The following EYS variants were observed in gnomAD, a reference collection of about 807,000 sequenced individuals.
EYS encodes protein eyes shut homolog.
Under a neutral mutation model 282.1 loss-of-function variants are expected in EYS, and 250 were observed. That is an observed-to-expected ratio of 0.89 (90% CI 0.80 to 0.98). EYS has a LOEUF of 0.98. Among genes scored for constraint, EYS ranks in the 50% least tolerant of loss-of-function variants. The probability of loss-of-function intolerance (pLI) is 0.00; values close to 1 mark genes in which losing one functional copy is unlikely to be tolerated. For synonymous variants in EYS, 1,355 were observed against 1,282.9 expected, an observed-to-expected ratio of 1.06 and a Z score of -1.20; for missense variants, 4,016 against 3,709.0, an observed-to-expected ratio of 1.08 and a Z score of -2.15.
At chr6:65,465,312 C>A (rs1362296312) in intron 5 of EYS, among the ~76,000 whole-genome samples, 2 of 151,550 alleles carry the variant, frequency 1.3e-5, no homozygotes, top group Non-Finnish European at 2.9e-5. Flanking sequence ...ACCTCATCTC[C>A]CCCCATTTTT....
chr6:64,024,066 C>T (rs1223976124), intron 33 of EYS, among the ~76,000 whole-genome samples: 2 of 152,208 alleles, frequency 1.3e-5, no homozygotes, highest in Admixed American at 6.5e-5. Flanking sequence ...ATGAGTGCCA[C>T]CCCCTGCTCC....
At chr6:65,071,673 A>G (rs971723079) in intron 12 of EYS, among the ~76,000 whole-genome samples, 1 of 151,888 alleles carries the variant, frequency 6.6e-6, no homozygotes, top group East Asian at 1.9e-4. Context: ...AAGGGAAATA[A>G]TATGGCATCG....
chr6:65,680,866 G>A (rs1582596283), intron 1 of EYS, among the ~76,000 whole-genome samples: 1 of 151,828 alleles, frequency 6.6e-6, no homozygotes, highest in African/African-American at 2.4e-5. Context: ...TAGCAACTGA[G>A]CTACATCTAA....
At chr6:63,835,271 A>G (rs553933731) in intron 36 of EYS, among the ~76,000 whole-genome samples, 1 of 147,418 alleles carries the variant, frequency 6.8e-6, no homozygotes, top group Admixed American at 6.7e-5. Flanking sequence ...ATATATATAT[A>G]CATATATACT....
rs1562186503 is a variant in EYS, at chr6:65,443,386, A to ATATG, written c.863-38023_863-38020dup. On this transcript the variant is annotated intron_variant, in intron 5 of 42. Coordinates refer to ENST00000503581, the MANE Select transcript of EYS (RefSeq NM_001142800.2). The stretch of plus-strand genomic sequence containing the variant: ...TACATGTATGTACACATATAGACAT[A>ATATG]TATGCATACATGTATGTACACATAT... 4.9e-4 allele frequency among the ~76,000 whole-genome samples: 49 copies of ATATG among 100,268 alleles called. 11 individuals are homozygous for ATATG. Among genetic ancestry groups the ATATG allele is most frequent in the South Asian group, 3.9e-3 (13 of 3,294 alleles). 65.8% of individuals were successfully genotyped at this position (100,268 alleles called of 152,430 possible). A position where few individuals can be genotyped will look rare whatever the true frequency, so the allele number is the denominator to read the frequency against.
At position 65,214,977 on chromosome 6, in the gene EYS, G is replaced by T. The variant is rs552361151; in HGVS notation, c.2023+80886C>A. On this transcript the variant is annotated intron_variant, in intron 12 of 42. Coordinates refer to ENST00000503581, the MANE Select transcript of EYS (RefSeq NM_001142800.2). ...TTGAGAACTGCTGGTGAGAAAAAAA[G>T]ACTCCTTTCAAAATATTACTGTTAA... Among the ~76,000 whole-genome samples, 288 of 152,230 alleles carry T rather than the reference G, an allele frequency of 1.9e-3. 1 individual carries two copies. Among genetic ancestry groups the T allele is most frequent in the South Asian group, 4.6e-3 (22 of 4,824 alleles).
intron 37 of EYS, among the ~76,000 whole-genome samples, chr6:63,791,577 C>CAAAAAA (rs889736940): frequency 3.8e-5 from 2 of 52,716 alleles, no homozygotes; most frequent in South Asian, 5.8e-4. Context: ...GACTCCCTCT[C>CAAAAAA]AAAAAAAAAA....
chr6:63,891,638 G>A (rs533597843), intron 35 of EYS, among the ~76,000 whole-genome samples: 8 of 152,194 alleles, frequency 5.3e-5, no homozygotes, highest in African/African-American at 1.7e-4. Context: ...ATACTGAATG[G>A]GCAAAAGCTG....
intron 5 of EYS, among the ~76,000 whole-genome samples, chr6:65,453,668 C>T (rs981380469): frequency 6.6e-6 from 1 of 151,908 alleles, no homozygotes; most frequent in Non-Finnish European, 1.5e-5. Flanking sequence ...TCTCCTCAAC[C>T]TCTCCTCTCC....
At chr6:64,627,743 G>C (rs1434176008) in intron 22 of EYS, among the ~76,000 whole-genome samples, 3 of 152,178 alleles carry the variant, frequency 2.0e-5, no homozygotes, top group Admixed American at 6.5e-5. Flanking sequence ...CACTGTGCTA[G>C]ATCCTTACCT....
At chr6:63,893,368 C>T (rs1470562630) in intron 35 of EYS, among the ~76,000 whole-genome samples, 1 of 152,090 alleles carries the variant, frequency 6.6e-6, no homozygotes, top group African/African-American at 2.4e-5. Context: ...AAATGTGGTA[C>T]ATATACACCA....
intron 33 of EYS, among the ~76,000 whole-genome samples, chr6:64,064,313 A>G (rs1037720814): frequency 6.6e-6 from 1 of 152,194 alleles, no homozygotes; most frequent in Non-Finnish European, 1.5e-5. Context: ...TGTTAAATGA[A>G]TATATGAAAC....
At chr6:65,444,289 G>T (rs1280382564) in intron 5 of EYS, among the ~76,000 whole-genome samples, 1 of 151,890 alleles carries the variant, frequency 6.6e-6, no homozygotes, top group Non-Finnish European at 1.5e-5. Flanking sequence ...TGGCTTTGTG[G>T]ATTCTAAAGA....
chr6:65,638,466 C>T (rs1385572840), intron 2 of EYS, among the ~76,000 whole-genome samples: 1 of 152,280 alleles, frequency 6.6e-6, no homozygotes, highest in African/African-American at 2.4e-5. Flanking sequence ...CCTTTGGGGA[C>T]GCCAGACCTA....
intron 12 of EYS, among the ~76,000 whole-genome samples, chr6:65,095,266 G>T (rs1223851015): frequency 6.6e-6 from 1 of 151,100 alleles, no homozygotes; most frequent in Non-Finnish European, 1.5e-5. Context: ...AGTATTGGGG[G>T]ACTGGGAGAT....
rs569651191 is a variant in EYS at position 65,532,011 on chromosome 6, T to A, written c.-332-36018A>T. Among the ~76,000 whole-genome samples the A allele has an allele frequency of 2.3e-3, 344 of 152,292 alleles. 1 individual carries two copies. Among genetic ancestry groups the A allele is most frequent in the African/African-American group, 8.0e-3 (332 of 41,576 alleles). ...TAATATACGTTAAAATTCTTATAAT[T>A]ATACTAGGCACTTATTAAACACTCT... is the stretch of plus-strand genomic sequence containing the variant. On this transcript the variant is annotated intron_variant, in intron 2 of 42. Coordinates refer to ENST00000503581, the MANE Select transcript of EYS (RefSeq NM_001142800.2).
intron 2 of EYS, among the ~76,000 whole-genome samples, chr6:65,510,550 G>T (rs1476770110): frequency 1.3e-5 from 2 of 152,184 alleles, no homozygotes; most frequent in East Asian, 3.9e-4. Flanking sequence ...CTGAAGTAGA[G>T]TGCTGGGTTG....
intron 15 of EYS, among the ~76,000 whole-genome samples, chr6:64,931,278 T>C (rs1384084965): frequency 1.3e-5 from 2 of 152,140 alleles, no homozygotes; most frequent in Admixed American, 6.6e-5. Flanking sequence ...TTCATTATGG[T>C]ATATAATTTT....
At chr6:64,897,146 A>G (rs1651683361) in intron 18 of EYS, among the ~76,000 whole-genome samples, 1 of 152,128 alleles carries the variant, frequency 6.6e-6, no homozygotes, top group Non-Finnish European at 1.5e-5. Context: ...GGGCTCCCAT[A>G]TCTCCTGACT....
Sources: gnomAD v4.1 joint callset for allele counts (sites outside exome capture counted in the v4.1 genomes callset) on GRCh38, gnomAD v4.1.1 for gene constraint, MANE v1.5 for transcripts, NCBI Gene and HGNC (gene_info 2026-07-23, HGNC 2026-07-21) for gene names.